LRBA: variants seen among roughly 807,000 people sequenced by gnomAD.
LRBA encodes the protein LPS responsive beige-like anchor protein.
A neutral mutation model predicts 330.0 loss-of-function variants in LRBA; 176 were observed. That is an observed-to-expected ratio of 0.53 (90% CI 0.47 to 0.60). The LOEUF (loss-of-function observed/expected upper bound fraction) is 0.60, where lower values mean the gene tolerates loss of function less well. Ranked by LOEUF, LRBA falls within the 20% of genes least tolerant of loss-of-function variation. The probability of loss-of-function intolerance (pLI) is 0.00; values close to 1 mark genes in which losing one functional copy is unlikely to be tolerated. For synonymous variants in LRBA, 1,230 were observed against 1,193.0 expected (o/e 1.03, Z -0.64); for missense variants, 3,259 against 3,444.8 (o/e 0.95, Z 1.35).
intron 17 of LRBA, among the ~76,000 whole-genome samples, chr4:150,889,727 A>G (rs1287478338): frequency 1.3e-5 from 2 of 152,180 alleles, no homozygotes; most frequent in East Asian, 3.9e-4. Flanking sequence ...CCCTGGTGCC[A>G]AAAAGGCTGG....
intron 30 of LRBA, 25 bp from the exon 31 acceptor site, chr4:150,817,282 T>G: frequency 1.2e-6 from 2 of 1,606,018 alleles, no homozygotes; most frequent in Non-Finnish European, 1.7e-6. Flanking sequence ...GTAAACAGAC[T>G]GAAAGATACA....
At chr4:150,927,299 G>C (rs1038237289) in intron 4 of LRBA, among the ~76,000 whole-genome samples, 2 of 151,494 alleles carry the variant, frequency 1.3e-5, no homozygotes, top group African/African-American at 4.9e-5. Context: ...CATGAACCCG[G>C]GAGGCAGAGC....
intron 37 of LRBA, among the ~76,000 whole-genome samples, chr4:150,681,173 G>A (rs992836953): frequency 7.9e-5 from 12 of 152,140 alleles, no homozygotes; most frequent in Non-Finnish European, 1.6e-4. Context: ...ATGCATTACA[G>A]CTACAGTATG....
At chr4:150,655,393 G>C (rs1211363459) in intron 37 of LRBA, among the ~76,000 whole-genome samples, 3 of 152,022 alleles carry the variant, frequency 2.0e-5, no homozygotes, top group African/African-American at 7.3e-5. Context: ...ATCCTTTTTA[G>C]ACTTTTGCTA....
At chr4:150,340,477 T>C (rs1027997878) in intron 48 of LRBA, among the ~76,000 whole-genome samples, 1 of 152,192 alleles carries the variant, frequency 6.6e-6, no homozygotes, top group Admixed American at 6.5e-5. Flanking sequence ...TATTGTGTGT[T>C]CAATTTAATG....
At chr4:150,493,796 C>G (rs535051951) in intron 40 of LRBA, among the ~76,000 whole-genome samples, 1 of 152,148 alleles carries the variant, frequency 6.6e-6, no homozygotes, top group Non-Finnish European at 1.5e-5. Flanking sequence ...CATTTATAGT[C>G]CAATGTATCC....
chr4:150,909,784 C>T (rs1432170171), intron 9 of LRBA, among the ~76,000 whole-genome samples: 1 of 152,072 alleles, frequency 6.6e-6, no homozygotes, highest in Non-Finnish European at 1.5e-5. Flanking sequence ...CTCAACAGTG[C>T]ACAAAGGTAC....
intron 47 of LRBA, among the ~76,000 whole-genome samples, chr4:150,366,417 A>G (rs1221700449): frequency 6.6e-6 from 1 of 152,234 alleles, no homozygotes; most frequent in African/African-American, 2.4e-5. Context: ...GTTATAGGTC[A>G]GAATCTAGCA....
At chr4:150,823,484 C>T (rs1212554466) in intron 30 of LRBA, among the ~76,000 whole-genome samples, 1 of 151,948 alleles carries the variant, frequency 6.6e-6, no homozygotes, top group Non-Finnish European at 1.5e-5. Flanking sequence ...CTCATCTGTC[C>T]ATGTTTGCTT....
chr4:150,669,313 G>C (rs1295521041), intron 37 of LRBA, among the ~76,000 whole-genome samples: 1 of 152,006 alleles, frequency 6.6e-6, no homozygotes, highest in Admixed American at 6.6e-5. Context: ...TTATCTAAAT[G>C]AAAAAGTTTA....
At chr4:150,585,938 T>C (rs1772060396) in intron 40 of LRBA, among the ~76,000 whole-genome samples, 1 of 152,132 alleles carries the variant, frequency 6.6e-6, no homozygotes, top group African/African-American at 2.4e-5. Context: ...TTGTGTAAGA[T>C]TCCTTGGTAA....
At chr4:150,912,453 T>C (rs1266348246) in intron 9 of LRBA, among the ~76,000 whole-genome samples, 1 of 152,228 alleles carries the variant, frequency 6.6e-6, no homozygotes, top group African/African-American at 2.4e-5. Flanking sequence ...GATGGAACCG[T>C]CTAGTTGCAG....
chr4:150,443,873 T>TATATATA (rs1491391084), intron 44 of LRBA, among the ~76,000 whole-genome samples: 87 of 18,572 alleles, frequency 4.7e-3, no homozygotes, highest in Middle Eastern at 0.028. Context: ...TATATATATA[T>TATATATA]TTTTTTTTTT....
chr4:150,557,777 C>T (rs1362343956), intron 40 of LRBA, among the ~76,000 whole-genome samples: 3 of 152,186 alleles, frequency 2.0e-5, no homozygotes, highest in Non-Finnish European at 4.4e-5. Context: ...TAGCTACATG[C>T]TATCAACGTG....
intron 53 of LRBA, among the ~76,000 whole-genome samples, chr4:150,300,182 T>C (rs768151370): frequency 2.5e-4 from 38 of 152,118 alleles, no homozygotes; most frequent in Non-Finnish European, 4.7e-4. Context: ...TGCCTATTTG[T>C]CTTTCTCCTG....
chr4:150,766,909 T>C (rs1325521988), intron 34 of LRBA, among the ~76,000 whole-genome samples: 1 of 152,214 alleles, frequency 6.6e-6, no homozygotes, highest in Non-Finnish European at 1.5e-5. Flanking sequence ...CTGTATTTAA[T>C]TGACTATCAC....
chr4:150,683,279 G>A (rs1051160454), intron 37 of LRBA, among the ~76,000 whole-genome samples: 1 of 152,180 alleles, frequency 6.6e-6, no homozygotes, highest in Admixed American at 6.5e-5. Flanking sequence ...AGTAGATAAA[G>A]CAAATATGAT....
chr4:150,911,511 T>C (rs556953739), intron 9 of LRBA, among the ~76,000 whole-genome samples: 8 of 152,348 alleles, frequency 5.3e-5, no homozygotes, highest in Non-Finnish European at 8.8e-5. Flanking sequence ...CTGATTTCCA[T>C]GTTGAACCAT....
intron 55 of LRBA, 68 bp from the exon 56 acceptor site, chr4:150,278,072 G>C: frequency 6.9e-7 from 1 of 1,439,824 alleles, no homozygotes; most frequent in Non-Finnish European, 9.7e-7. Context: ...CCCTGTTTTT[G>C]AGTCATTCTT....
Sources: allele counts gnomAD v4.1 joint callset (sites outside exome capture counted in the v4.1 genomes callset), GRCh38; gene constraint gnomAD v4.1.1; transcripts MANE v1.5; gene names NCBI Gene and HGNC (gene_info 2026-07-23, HGNC 2026-07-21).